Variants in TANC1 observed in about 807,000 individuals in gnomAD.
TANC1 encodes the protein tetratricopeptide repeat, ankyrin repeat and coiled-coil containing 1.
TANC1 carries 77 observed loss-of-function variants against 149.7 expected under a neutral mutation model. The ratio of observed to expected loss-of-function variants is 0.51; its 90% CI spans 0.43 to 0.62. The LOEUF is 0.62. TANC1 is among the 20% of genes least tolerant of loss of function. TANC1 has a pLI of 0.00. For missense variants in TANC1, 1,985 were observed against 2,321.8 expected, an observed-to-expected ratio of 0.85 and a Z score of 2.98; for synonymous variants, 854 against 925.0, an observed-to-expected ratio of 0.92 and a Z score of 1.39.
Position 159,229,962 on chromosome 2 carries a change from G to C in TANC1, c.4536G>C (p.Lys1512Asn), listed in dbSNP as rs1381296885. ...CACAGAGCAGGGCAGGAATCGGCAA[G>C]TCCCTGAGAGAGCCTGTGGCCCAGC... ...VSPQSRAGIGKSLREPVAQPG... is the reference protein window; with the variant it reads ...VSPQSRAGIGNSLREPVAQPG... The change falls in exon 27 of 27, where the codon AAG becomes AAC. Residue 1512 changes from lysine to asparagine, a missense_variant. Physicochemically the swap from Lys to Asn is moderately conservative, Grantham distance 94 (BLOSUM62 0). Transcript: ENST00000263635. 2 of 1,613,960 alleles carry C rather than the reference G, an allele frequency of 1.2e-6. No individual in the cohort carries two copies. The highest frequency in any genetic ancestry group is 8.5e-7 in the Non-Finnish European group (1 of 1,180,060).
chr2:159,124,742 A>AT (rs112193005), intron 4 of TANC1, among the ~76,000 whole-genome samples: 1,919 of 144,700 alleles, frequency 0.013, 28 homozygotes, highest in African/African-American at 0.036. Flanking sequence ...AATCAGCTGC[A>AT]TTTTTTTTTT....
At chr2:158,980,858 A>G (rs973149409) in intron 1 of TANC1, among the ~76,000 whole-genome samples, 3 of 151,824 alleles carry the variant, frequency 2.0e-5, no homozygotes, top group South Asian at 2.1e-4. Flanking sequence ...CAAGGTTCAC[A>G]TTGCACTGTG....
rs1199875622 is a variant in TANC1, at chr2:159,230,777, C to A, written c.5351C>A (p.Thr1784Asn). Residue 1784 changes from threonine (T) to asparagine (N), a missense_variant, in exon 27 of 27, where the codon ACC becomes AAC. Physicochemically the swap from Thr to Asn is moderately conservative, Grantham distance 65. Transcript: ENST00000263635. The surrounding 1 kb of genome is among the most constrained non-coding windows in gnomAD (Gnocchi z 4.4). ...GGAGGATATAATAACCAAGCCAAAA[C>A]CTGTTCTGTTTCTACCCTGAGTGCA... Reference protein sequence around the residue: ...QVGGYNNQAKTCSVSTLSASV... With the variant: ...QVGGYNNQAKNCSVSTLSASV... The A allele has an allele frequency of 6.2e-7, 1 of 1,614,116 alleles. No homozygotes were observed. The highest frequency in any genetic ancestry group is 8.5e-7 in the Non-Finnish European group (1 of 1,180,044).
At chr2:159,087,568 C>T (rs577962940) in intron 3 of TANC1, among the ~76,000 whole-genome samples, 1 of 149,706 alleles carries the variant, frequency 6.7e-6, no homozygotes, top group Non-Finnish European at 1.5e-5. Flanking sequence ...TGTACAGTGG[C>T]ACAATCACAG....
chr2:159,011,870 G>A (rs1008150630), intron 2 of TANC1, among the ~76,000 whole-genome samples: 2 of 152,210 alleles, frequency 1.3e-5, no homozygotes, highest in Non-Finnish European at 2.9e-5. Flanking sequence ...GGCTTCCCAT[G>A]TGGGGCCAGA....
intron 3 of TANC1, among the ~76,000 whole-genome samples, chr2:159,068,826 G>A (rs1419485334): frequency 4.6e-5 from 7 of 152,062 alleles, no homozygotes; most frequent in Non-Finnish European, 7.4e-5. Context: ...TGCAACCTCC[G>A]CCTCCTGGGT....
At chr2:159,183,604 G>A (rs554523282) in intron 14 of TANC1, among the ~76,000 whole-genome samples, 13 of 152,212 alleles carry the variant, frequency 8.5e-5, no homozygotes, top group African/African-American at 2.6e-4. Flanking sequence ...AGGAGACTCC[G>A]CCTGTTGGGT....
intron 3 of TANC1, among the ~76,000 whole-genome samples, chr2:159,078,912 A>G (rs2043964916): frequency 6.6e-6 from 1 of 152,146 alleles, no homozygotes; most frequent in South Asian, 2.1e-4. Flanking sequence ...TGAGGGTTAA[A>G]TATTTTTTTA....
chr2:159,115,824 T>C (rs2048186597), intron 4 of TANC1, among the ~76,000 whole-genome samples: 1 of 152,180 alleles, frequency 6.6e-6, no homozygotes, highest in Non-Finnish European at 1.5e-5. Flanking sequence ...ATTATTCCTG[T>C]GTTTTGGGTA....
intron 2 of TANC1, among the ~76,000 whole-genome samples, chr2:159,025,845 A>G (rs960428193): frequency 6.6e-6 from 1 of 152,200 alleles, no homozygotes; most frequent in African/African-American, 2.4e-5. Flanking sequence ...CTTTTCAGGG[A>G]TTCAGTGAAC....
chr2:159,019,283 G>A (rs1314129814), intron 2 of TANC1, among the ~76,000 whole-genome samples: 1 of 152,186 alleles, frequency 6.6e-6, no homozygotes, highest in Non-Finnish European at 1.5e-5. Flanking sequence ...AGCAGCCAGC[G>A]ATCTTCAGCC....
intron 4 of TANC1, among the ~76,000 whole-genome samples, chr2:159,111,459 G>A (rs532337166): frequency 6.6e-6 from 1 of 152,306 alleles, no homozygotes; most frequent in Admixed American, 6.5e-5. Context: ...TCCCTCAGAT[G>A]GCTTAAATGC....
intron 2 of TANC1, among the ~76,000 whole-genome samples, chr2:159,031,931 C>T (rs1164896484): frequency 1.3e-5 from 2 of 152,164 alleles, no homozygotes; most frequent in African/African-American, 4.8e-5. Context: ...ACATTTAAAC[C>T]AATTTTATCA....
chr2:159,059,932 T>TGTGTGTGGC (rs2042118702), intron 2 of TANC1, among the ~76,000 whole-genome samples: 1 of 61,072 alleles, frequency 1.6e-5, no homozygotes, highest in African/African-American at 4.9e-5. Flanking sequence ...GTGTGTGTGG[T>TGTGTGTGGC]TTTTTGTTGT....
intron 4 of TANC1, among the ~76,000 whole-genome samples, chr2:159,130,208 C>T (rs1294524189): frequency 1.3e-5 from 2 of 152,084 alleles, no homozygotes; most frequent in East Asian, 1.9e-4. Flanking sequence ...GAGCCTCCTG[C>T]GTTAAAACAT....
intron 16 of TANC1, among the ~76,000 whole-genome samples, chr2:159,191,189 A>G (rs961824450): frequency 6.6e-6 from 1 of 152,158 alleles, no homozygotes; most frequent in Non-Finnish European, 1.5e-5. Flanking sequence ...TCACTTGCAC[A>G]TGGCCTGTTC....
At chr2:159,097,962 A>T in intron 4 of TANC1, 128 bp downstream of exon 4, 2 of 773,934 alleles carry the variant, frequency 2.6e-6, no homozygotes, top group South Asian at 4.5e-5. Flanking sequence ...CTTCTAGAAG[A>T]AATAAATCTT....
intron 16 of TANC1, among the ~76,000 whole-genome samples, chr2:159,189,656 A>C (rs748060888): frequency 2.6e-5 from 4 of 152,160 alleles, no homozygotes. Context: ...GGTTTAGGGC[A>C]GTTGATACTT....
At position 159,219,805 on chromosome 2, in the gene TANC1, C is replaced by A; in HGVS notation, c.3616C>A (p.Gln1206Lys). 2 of 1,614,020 alleles carry A rather than the reference C, an allele frequency of 1.2e-6. No individual in the cohort carries two copies. Among genetic ancestry groups the A allele is most frequent in the Non-Finnish European group, 1.7e-6 (2 of 1,180,052 alleles). The change falls in exon 22 of 27, where the codon CAG becomes AAG. Residue 1206 changes from glutamine to lysine, a missense_variant. Physicochemically the swap from Gln to Lys is moderately conservative, Grantham distance 53. Around this residue, in one of 3 missense-constraint regions of TANC1, gnomAD observed 920 missense variants for 994.7 expected, o/e 0.92. Transcript: ENST00000263635. ...GGTTGAAGAAGGAGCTGCAATAGAC[C>A]AGACAGACAAGAATGGCCGCACACC... ...YLVEEGAAID[Q>K]TDKNGRTPLD... is the part of the protein sequence containing the mutation.
Sources: allele counts gnomAD v4.1 joint callset (sites outside exome capture counted in the v4.1 genomes callset), GRCh38; gene constraint gnomAD v4.1.1; regional missense constraint gnomAD v4.1.1; non-coding constraint Gnocchi (gnomAD v3.1); transcripts MANE v1.5; gene names NCBI Gene and HGNC (gene_info 2026-07-23, HGNC 2026-07-21).